CPA6: variants seen among roughly 807,000 people sequenced by gnomAD.
The protein encoded by CPA6 is carboxypeptidase A6, also known as carboxypeptidase B.
A neutral mutation model predicts 63.3 loss-of-function variants in CPA6; 58 were observed. That is an observed-to-expected ratio of 0.92 (90% CI 0.74 to 1.14). The LOEUF (loss-of-function observed/expected upper bound fraction) is 1.14, where lower values mean the gene tolerates loss of function less well. Among genes scored for constraint, CPA6 ranks in the 50% most tolerant of loss-of-function variants. The pLI, the probability that CPA6 is intolerant of heterozygous loss-of-function variation, is 0.00. For missense variants in CPA6, 565 were observed against 526.6 expected (o/e 1.07, Z -0.71); for synonymous variants, 185 against 179.0 (o/e 1.03, Z -0.27).
intron 9 of CPA6, among the ~76,000 whole-genome samples, chr8:67,433,642 T>C (rs1219981942): frequency 6.6e-6 from 1 of 152,230 alleles, no homozygotes; most frequent in Non-Finnish European, 1.5e-5. Flanking sequence ...ACCAAAACTA[T>C]GATACTAATC....
intron 8 of CPA6, among the ~76,000 whole-genome samples, chr8:67,435,186 G>A (rs1407003732): frequency 2.0e-5 from 3 of 152,212 alleles, no homozygotes; most frequent in African/African-American, 7.2e-5. Flanking sequence ...AGAAGTAGGG[G>A]GTTGGTTGGA....
intron 2 of CPA6, among the ~76,000 whole-genome samples, chr8:67,578,212 G>T (rs557302854): frequency 1.1e-4 from 17 of 152,308 alleles, no homozygotes; most frequent in Non-Finnish European, 2.2e-4. Flanking sequence ...TTAAGCTGAT[G>T]GCGGGTTTAG....
chr8:67,668,489 A>C (rs1816277926), intron 1 of CPA6, among the ~76,000 whole-genome samples: 1 of 152,252 alleles, frequency 6.6e-6, no homozygotes, highest in Non-Finnish European at 1.5e-5. Flanking sequence ...ATTATTTATA[A>C]AGGCAGAGCC....
intron 8 of CPA6, among the ~76,000 whole-genome samples, chr8:67,476,789 C>T (rs1448897842): frequency 6.6e-6 from 1 of 152,148 alleles, no homozygotes; most frequent in Non-Finnish European, 1.5e-5. Flanking sequence ...TGAGCAAGTT[C>T]CCTCACTTCT....
chr8:67,446,439 A>G (rs1269425577), intron 8 of CPA6, among the ~76,000 whole-genome samples: 1 of 152,008 alleles, frequency 6.6e-6, no homozygotes, highest in East Asian at 1.9e-4. Flanking sequence ...TATTTTTTTC[A>G]ATGTTTTATT....
intron 3 of CPA6, among the ~76,000 whole-genome samples, chr8:67,515,897 T>C (rs769737736): frequency 1.6e-4 from 24 of 152,166 alleles, no homozygotes; most frequent in Non-Finnish European, 2.9e-4. Flanking sequence ...TTCTCATTTG[T>C]TTTCCTCAGT....
At chr8:67,438,305 C>T (rs1033003189) in intron 8 of CPA6, among the ~76,000 whole-genome samples, 1 of 152,140 alleles carries the variant, frequency 6.6e-6, no homozygotes, top group Non-Finnish European at 1.5e-5. Flanking sequence ...AACACTTTGA[C>T]AAATTATAGT....
At chr8:67,463,615 C>T (rs1224495947) in intron 8 of CPA6, among the ~76,000 whole-genome samples, 2 of 151,996 alleles carry the variant, frequency 1.3e-5, no homozygotes, top group African/African-American at 2.4e-5. Context: ...TGAATGATAC[C>T]GTCCCCCACA....
intron 2 of CPA6, among the ~76,000 whole-genome samples, chr8:67,542,838 G>A (rs1812735918): frequency 6.6e-6 from 1 of 152,176 alleles, no homozygotes; most frequent in African/African-American, 2.4e-5. Flanking sequence ...TGCCTTGGAA[G>A]TCCCCTTTGC....
intron 2 of CPA6, among the ~76,000 whole-genome samples, chr8:67,583,261 T>C (rs1813824575): frequency 6.6e-6 from 1 of 152,094 alleles, no homozygotes; most frequent in South Asian, 2.1e-4. Flanking sequence ...TTGTTAGTAT[T>C]TATGTTGTGA....
chr8:67,732,389 G>A (rs1349985825), intron 1 of CPA6, among the ~76,000 whole-genome samples: 1 of 151,976 alleles, frequency 6.6e-6, no homozygotes, highest in African/African-American at 2.4e-5. Flanking sequence ...TTCCTTCCTC[G>A]CTCTCTCTCA....
At chr8:67,439,783 G>A (rs1810248588) in intron 8 of CPA6, among the ~76,000 whole-genome samples, 1 of 152,022 alleles carries the variant, frequency 6.6e-6, no homozygotes, top group Admixed American at 6.6e-5. Context: ...AATCCTGCAG[G>A]AAATGATTAA....
chr8:67,560,024 C>T (rs1813167190), intron 2 of CPA6, among the ~76,000 whole-genome samples: 1 of 151,868 alleles, frequency 6.6e-6, no homozygotes, highest in Non-Finnish European at 1.5e-5. Flanking sequence ...CTGTTGGCAC[C>T]TTGATCTTGG....
chr8:67,653,641 G>C (rs1293803119), intron 1 of CPA6, among the ~76,000 whole-genome samples: 1 of 151,914 alleles, frequency 6.6e-6, no homozygotes, highest in Non-Finnish European at 1.5e-5. Flanking sequence ...GGAGATTTTG[G>C]GCTGAGACAA....
chr8:67,495,854 G>C (rs1811699974), intron 6 of CPA6, among the ~76,000 whole-genome samples: 1 of 151,946 alleles, frequency 6.6e-6, no homozygotes, highest in African/African-American at 2.4e-5. Flanking sequence ...CACCTGGCAA[G>C]TGTCTTCTCA....
chr8:67,537,766 T>TA (rs1812616495), intron 2 of CPA6, among the ~76,000 whole-genome samples: 1 of 152,224 alleles, frequency 6.6e-6, no homozygotes, highest in Admixed American at 6.5e-5. Context: ...CTAGTTCTTT[T>TA]AATTGTGATG....
At chr8:67,539,840 A>C (rs556377599) in intron 2 of CPA6, among the ~76,000 whole-genome samples, 1 of 152,022 alleles carries the variant, frequency 6.6e-6, no homozygotes, top group Non-Finnish European at 1.5e-5. Context: ...TGTGTTTTTC[A>C]ACTCCATCAG....
intron 1 of CPA6, among the ~76,000 whole-genome samples, chr8:67,636,560 G>A (rs111987909): frequency 6.6e-6 from 1 of 151,280 alleles, no homozygotes; most frequent in Non-Finnish European, 1.5e-5. Context: ...AGTCCCTCTC[G>A]CTAAAACCTC....
At chr8:67,434,006 C>G in intron 9 of CPA6, 32 bp downstream of exon 9, 1 of 1,494,102 alleles carries the variant, frequency 6.7e-7, no homozygotes, top group Non-Finnish European at 9.3e-7. Context: ...CAGCATGAAG[C>G]CTGATGTACA....
Sources: allele counts gnomAD v4.1 joint callset (sites outside exome capture counted in the v4.1 genomes callset), GRCh38; gene constraint gnomAD v4.1.1; transcripts MANE v1.5; gene names NCBI Gene and HGNC (gene_info 2026-07-23, HGNC 2026-07-21).